EYS: variants seen among roughly 807,000 people sequenced by gnomAD.
EYS encodes protein eyes shut homolog.
Under a neutral mutation model 282.1 loss-of-function variants are expected in EYS, and 250 were observed. The ratio of observed to expected loss-of-function variants is 0.89; its 90% CI spans 0.80 to 0.98. The LOEUF (loss-of-function observed/expected upper bound fraction) is 0.98, where lower values mean the gene tolerates loss of function less well. Among genes scored for constraint, EYS ranks in the 50% least tolerant of loss-of-function variants. The probability of loss-of-function intolerance (pLI) is 0.00; values close to 1 mark genes in which losing one functional copy is unlikely to be tolerated. For synonymous variants in EYS, 1,355 were observed against 1,282.9 expected (o/e 1.06, Z -1.20); for missense variants, 4,016 against 3,709.0 (o/e 1.08, Z -2.15).
chr6:64,043,000 T>C (rs1770459181), intron 33 of EYS, among the ~76,000 whole-genome samples: 1 of 152,172 alleles, frequency 6.6e-6, no homozygotes, highest in South Asian at 2.1e-4. Flanking sequence ...ATTTACTATC[T>C]CTGTGCTCAG....
At chr6:64,602,913 G>A (rs1407816198) in intron 24 of EYS, among the ~76,000 whole-genome samples, 1 of 151,968 alleles carries the variant, frequency 6.6e-6, no homozygotes, top group African/African-American at 2.4e-5. Flanking sequence ...AGGCTTTAGG[G>A]ACTAATAAAA....
At chr6:65,032,223 A>G (rs1167462559) in intron 13 of EYS, among the ~76,000 whole-genome samples, 1 of 152,194 alleles carries the variant, frequency 6.6e-6, no homozygotes, top group Admixed American at 6.6e-5. Flanking sequence ...GAGTAATAAT[A>G]ATGAGATCTG....
intron 5 of EYS, among the ~76,000 whole-genome samples, chr6:65,438,619 AT>A (rs1017734982): frequency 2.0e-5 from 3 of 151,722 alleles, no homozygotes; most frequent in African/African-American, 7.3e-5. Flanking sequence ...GATGATGAGC[AT>A]TTTTTTCATG....
intron 31 of EYS, among the ~76,000 whole-genome samples, chr6:64,176,020 G>T (rs1764622911): frequency 6.6e-6 from 1 of 152,012 alleles, no homozygotes; most frequent in South Asian, 2.1e-4. Flanking sequence ...TTGGGTGGTG[G>T]GATTCAATTT....
At position 64,307,059 on chromosome 6, in the gene EYS, A is replaced by G; in HGVS notation, c.6102T>C (p.Phe2034=). Residue 2034 remains phenylalanine (F), a synonymous_variant, in exon 30 of 43, where the codon TTT becomes TTC. Coordinates refer to ENST00000503581, the MANE Select transcript of EYS (RefSeq NM_001142800.2). ...TTTCTATAACTTCTATGCAGCCAGT[A>G]AAATTCTTGACTGGTACAGGCATCT... is the stretch of plus-strand genomic sequence containing the variant. ...KIQMPVPVKN[F]TGCIEVIEIN... is the part of the protein sequence containing the mutation. 2 of 1,521,412 alleles carry G rather than the reference A, an allele frequency of 1.3e-6. No individual in the cohort carries two copies. Among genetic ancestry groups the G allele is most frequent in the Non-Finnish European group, 1.8e-6 (2 of 1,121,476 alleles). 94.2% of individuals were successfully genotyped at this position (1,521,412 alleles called of 1,614,324 possible).
intron 26 of EYS, among the ~76,000 whole-genome samples, chr6:64,531,386 GTT>G (rs1289355755): frequency 3.8e-5 from 2 of 52,492 alleles, no homozygotes; most frequent in Non-Finnish European, 7.0e-5. Context: ...ATTGAGTTTT[GTT>G]TTTTGTTTTT....
In EYS at chr6:64,591,875, C is replaced by T; in HGVS notation, c.3992G>A (p.Arg1331Lys). 1 of 1,551,118 alleles carries T rather than the reference C, an allele frequency of 6.4e-7. No individual in the cohort carries two copies. The highest frequency in any genetic ancestry group is 8.7e-7 in the Non-Finnish European group (1 of 1,146,606). Reference protein sequence around the residue: ...SYLLQELIVTRELSAKHSLLS... With the variant: ...SYLLQELIVTKELSAKHSLLS... Reference sequence around the variant, plus strand: ...AAGACTGTGTTTTGCTGAAAGCTCTCTAGTGACAATCAGTTCTTGGAGTAA... The same window carrying T: ...AAGACTGTGTTTTGCTGAAAGCTCTTTAGTGACAATCAGTTCTTGGAGTAA... The change falls in exon 26 of 43, where the codon AGA becomes AAA. Residue 1331 changes from arginine (R) to lysine (K), a missense_variant. Arg to Lys is a conservative substitution (Grantham distance 26). Coordinates refer to ENST00000503581, the MANE Select transcript of EYS (RefSeq NM_001142800.2).
At chr6:64,191,224 T>A (rs1237487604) in intron 31 of EYS, among the ~76,000 whole-genome samples, 2 of 152,124 alleles carry the variant, frequency 1.3e-5, no homozygotes, top group Non-Finnish European at 2.9e-5. Flanking sequence ...TTGTTACACA[T>A]TTTTGGTGCC....
intron 16 of EYS, among the ~76,000 whole-genome samples, chr6:64,911,466 G>C (rs1036543571): frequency 1.3e-5 from 2 of 152,082 alleles, no homozygotes; most frequent in African/African-American, 4.8e-5. Context: ...TCTTAAGGAA[G>C]TTTTAATGCA....
At chr6:65,221,940 C>T (rs761442233) in intron 12 of EYS, among the ~76,000 whole-genome samples, 1 of 152,138 alleles carries the variant, frequency 6.6e-6, no homozygotes, top group South Asian at 2.1e-4. Flanking sequence ...TTTGGCTGCC[C>T]TGCTGGATTT....
chr6:64,703,502 A>G (rs1277486342), intron 22 of EYS, among the ~76,000 whole-genome samples: 2 of 134,966 alleles, frequency 1.5e-5, no homozygotes, highest in African/African-American at 5.6e-5. Context: ...GCGCGATCTC[A>G]GCTCACTGAA....
chr6:64,348,164 A>G (rs1561944088), intron 29 of EYS, among the ~76,000 whole-genome samples: 1 of 151,420 alleles, frequency 6.6e-6, no homozygotes, highest in African/African-American at 2.4e-5. Flanking sequence ...AAACATACCA[A>G]CTAATAACTA....
intron 2 of EYS, among the ~76,000 whole-genome samples, chr6:65,604,064 G>A (rs866227826): frequency 6.6e-6 from 1 of 151,624 alleles, no homozygotes; most frequent in Non-Finnish European, 1.5e-5. Context: ...GGAAAAAATA[G>A]GAATACTGAC....
At chr6:65,147,099 T>C (rs1764498805) in intron 12 of EYS, among the ~76,000 whole-genome samples, 1 of 152,034 alleles carries the variant, frequency 6.6e-6, no homozygotes, top group Admixed American at 6.6e-5. Context: ...ACTGCATTTA[T>C]ATTTTTGGTA....
intron 12 of EYS, among the ~76,000 whole-genome samples, chr6:65,192,952 A>G (rs948427702): frequency 6.6e-5 from 10 of 151,874 alleles, no homozygotes; most frequent in Non-Finnish European, 1.5e-4. Context: ...ATTTTAATAT[A>G]TAAAATGCAT....
intron 35 of EYS, among the ~76,000 whole-genome samples, chr6:63,938,279 G>A (rs758126235): frequency 4.6e-5 from 7 of 152,178 alleles, no homozygotes; most frequent in Non-Finnish European, 1.0e-4. Flanking sequence ...CAGGCTTGGA[G>A]TCGAGTCTGC....
chr6:64,456,266 G>A (rs1421500571), intron 26 of EYS, among the ~76,000 whole-genome samples: 1 of 152,024 alleles, frequency 6.6e-6, no homozygotes, highest in Admixed American at 6.6e-5. Context: ...GAATCAGAAT[G>A]TTATAGTTGA....
chr6:64,511,876 T>G (rs1193981131), intron 26 of EYS, among the ~76,000 whole-genome samples: 3 of 152,010 alleles, frequency 2.0e-5, no homozygotes, highest in Non-Finnish European at 4.4e-5. Flanking sequence ...AATCAGATGC[T>G]AGCTTCCTAA....
chr6:65,670,581 T>A (rs1186888142), intron 1 of EYS, among the ~76,000 whole-genome samples: 2 of 152,068 alleles, frequency 1.3e-5, no homozygotes, highest in East Asian at 3.9e-4. Context: ...CAAACTCTAT[T>A]AATAGCTTAT....
Sources: gnomAD v4.1 joint callset for allele counts (sites outside exome capture counted in the v4.1 genomes callset) on GRCh38, gnomAD v4.1.1 for gene constraint, MANE v1.5 for transcripts, NCBI Gene and HGNC (gene_info 2026-07-23, HGNC 2026-07-21) for gene names.